The following MAP4K4 variants were observed in gnomAD, a reference collection of about 807,000 sequenced individuals.
MAP4K4 encodes the protein mitogen-activated protein kinase kinase kinase kinase 4, also known as HPK/GCK-like kinase HGK.
A neutral mutation model predicts 189.6 loss-of-function variants in MAP4K4; 38 were observed. The observed-to-expected ratio is 0.20, with a 90% CI of 0.15 to 0.26. The LOEUF is 0.26. Among genes scored for constraint, MAP4K4 ranks in the 10% least tolerant of loss-of-function variants. The pLI, the probability that MAP4K4 is intolerant of heterozygous loss-of-function variation, is 1.00. For synonymous variants in MAP4K4, 610 were observed against 624.3 expected, an observed-to-expected ratio of 0.98 and a Z score of 0.34; for missense variants, 1,054 against 1,726.9, an observed-to-expected ratio of 0.61 and a Z score of 6.91.
intron 8 of MAP4K4, 44 bp downstream of exon 8, chr2:101,834,507 C>CT (rs766309730): frequency 2.0e-6 from 3 of 1,463,914 alleles, no homozygotes; most frequent in Non-Finnish European, 2.8e-6. Context: ...TTACATGTGA[C>CT]TTAAACCCCT....
chr2:101,830,948 A>C (rs1395175321), intron 6 of MAP4K4, among the ~76,000 whole-genome samples: 3 of 152,148 alleles, frequency 2.0e-5, no homozygotes, highest in Admixed American at 6.5e-5. Context: ...TCTGTGCATG[A>C]ATCTATGATC....
At chr2:101,855,690 C>T (rs977887197) in intron 12 of MAP4K4, among the ~76,000 whole-genome samples, 3 of 152,122 alleles carry the variant, frequency 2.0e-5, no homozygotes, top group African/African-American at 7.2e-5. Context: ...AAAGAATTTT[C>T]TGTCCCCTAA....
At chr2:101,740,961 A>G (rs1467020386) in intron 2 of MAP4K4, among the ~76,000 whole-genome samples, 1 of 152,068 alleles carries the variant, frequency 6.6e-6, no homozygotes, top group Non-Finnish European at 1.5e-5. Context: ...TACCTCCATT[A>G]GTTGTTACTC....
chr2:101,831,999 C>A, intron 7 of MAP4K4, 148 bp downstream of exon 7: 1 of 847,146 alleles, frequency 1.2e-6, no homozygotes, highest in Non-Finnish European at 1.8e-6. Flanking sequence ...GCAAATTTTC[C>A]AGGACAGTAT....
chr2:101,854,161 A>G (rs868559129), intron 12 of MAP4K4, among the ~76,000 whole-genome samples: 9 of 152,304 alleles, frequency 5.9e-5, no homozygotes, highest in Middle Eastern at 3.4e-3. Context: ...AAAATAAAGA[A>G]AGAATACCTG....
chr2:101,797,321 C>G (rs764322041), intron 3 of MAP4K4: 2 of 1,290,852 alleles, frequency 1.5e-6, no homozygotes, highest in South Asian at 2.5e-5. Flanking sequence ...GTTGGTGGCA[C>G]TTTCTCCCTG....
At chr2:101,783,695 G>A (rs573268900) in intron 2 of MAP4K4, among the ~76,000 whole-genome samples, 61 of 152,236 alleles carry the variant, frequency 4.0e-4, no homozygotes, top group African/African-American at 1.4e-3. Context: ...CAAGCCAACA[G>A]CACACCACTA....
In MAP4K4 at chr2:101,790,633, G is replaced by A. The variant is rs1218881057; in HGVS notation, c.124-87G>A. The A allele has an allele frequency of 1.9e-5, 17 of 904,658 alleles. 1 individual carries two copies. The highest frequency in any genetic ancestry group is 2.6e-5 in the East Asian group (1 of 38,268). 56.0% of individuals were successfully genotyped at this position (904,658 alleles called of 1,614,324 possible). Reference sequence around the variant, plus strand: ...TCAGAGATAAGTATAGTTGAGATACGATTTGTTGGAAACTTCAGCCATTTT... The same window carrying A: ...TCAGAGATAAGTATAGTTGAGATACAATTTGTTGGAAACTTCAGCCATTTT... On this transcript the variant is annotated intron_variant, in intron 2 of 32. Coordinates refer to ENST00000324219, the Ensembl canonical transcript of MAP4K4.
At chr2:101,780,135 G>C (rs191677084) in intron 2 of MAP4K4, among the ~76,000 whole-genome samples, 8 of 152,274 alleles carry the variant, frequency 5.3e-5, no homozygotes, top group African/African-American at 1.9e-4. Flanking sequence ...TTTAGAGTTA[G>C]CTTCTTGAAG....
intron 2 of MAP4K4, among the ~76,000 whole-genome samples, chr2:101,700,115 G>A (rs1486023192): frequency 6.6e-6 from 1 of 152,178 alleles, no homozygotes; most frequent in African/African-American, 2.4e-5. Context: ...TAGTTGGATT[G>A]TTTGTGTCTT....
chr2:101,856,773 C>T (rs908497713), intron 13 of MAP4K4, among the ~76,000 whole-genome samples: 1 of 152,086 alleles, frequency 6.6e-6, no homozygotes, highest in Non-Finnish European at 1.5e-5. Context: ...CCTTTCTTGT[C>T]TTTGAATTGA....
intron 17 of MAP4K4, among the ~76,000 whole-genome samples, chr2:101,864,713 AAGCCT>A (rs1368794865): frequency 2.0e-5 from 3 of 152,336 alleles, no homozygotes; most frequent in Admixed American, 1.3e-4. Context: ...GGAGCATAGA[AAGCCT>A]GTTTGTACTG....
chr2:101,775,373 A>G (rs890381865), intron 2 of MAP4K4, among the ~76,000 whole-genome samples: 4 of 151,772 alleles, frequency 2.6e-5, no homozygotes, highest in Admixed American at 1.3e-4. Flanking sequence ...TTATTTCTGA[A>G]TGGCCTATTC....
At chr2:101,752,920 A>G (rs994744147) in intron 2 of MAP4K4, among the ~76,000 whole-genome samples, 2 of 152,304 alleles carry the variant, frequency 1.3e-5, no homozygotes, top group East Asian at 1.9e-4. Flanking sequence ...TGTAGGGAGC[A>G]TTGGCAGTTC....
intron 2 of MAP4K4, among the ~76,000 whole-genome samples, chr2:101,699,939 A>C (rs1377793745): frequency 2.0e-5 from 3 of 152,078 alleles, no homozygotes; most frequent in Non-Finnish European, 2.9e-5. Flanking sequence ...TTGTGTTGCA[A>C]CTCACTGAGT....
chr2:101,838,156 G>C (rs577185711), intron 9 of MAP4K4, among the ~76,000 whole-genome samples: 1 of 152,318 alleles, frequency 6.6e-6, no homozygotes, highest in African/African-American at 2.4e-5. Flanking sequence ...TTGATTCCGA[G>C]ATGTTAGTCT....
exon 33 of MAP4K4, chr2:101,893,060 C>T: frequency 2.2e-6 from 1 of 456,388 alleles, no homozygotes; most frequent in East Asian, 6.9e-5. Context: ...CTGCTCCCAC[C>T]CACCTAAACA....
chr2:101,798,969 T>C (rs2094098594), intron 3 of MAP4K4, among the ~76,000 whole-genome samples: 1 of 152,196 alleles, frequency 6.6e-6, no homozygotes, highest in African/African-American at 2.4e-5. Flanking sequence ...AGAAAATTAT[T>C]GGAGTGGTTA....
At chr2:101,718,057 G>A (rs1246485811) in intron 2 of MAP4K4, among the ~76,000 whole-genome samples, 1 of 151,976 alleles carries the variant, frequency 6.6e-6, no homozygotes, top group African/African-American at 2.4e-5. Flanking sequence ...AGGAGTTCGA[G>A]ACCAGCCTGA....
Sources: gnomAD v4.1 joint callset for allele counts (sites outside exome capture counted in the v4.1 genomes callset) on GRCh38, gnomAD v4.1.1 for gene constraint, MANE v1.5 for transcripts, NCBI Gene and HGNC (gene_info 2026-07-23, HGNC 2026-07-21) for gene names.